COMMD10: variants seen among roughly 807,000 people sequenced by gnomAD.
The protein encoded by COMMD10 is COMM domain containing 10.
Under a neutral mutation model 28.9 loss-of-function variants are expected in COMMD10, and 33 were observed. The observed-to-expected ratio is 1.14, with a 90% CI of 0.87 to 1.53. The LOEUF (loss-of-function observed/expected upper bound fraction) is 1.53. COMMD10 is among the 40% of genes most tolerant of loss of function. The pLI, the probability that COMMD10 is intolerant of heterozygous loss-of-function variation, is 0.00. For missense variants in COMMD10, 310 were observed against 233.4 expected (o/e 1.33, Z -2.14); for synonymous variants, 110 against 81.7 (o/e 1.35, Z -1.87).
intron 5 of COMMD10, among the ~76,000 whole-genome samples, chr5:116,285,044 A>G (rs1041123590): frequency 1.3e-5 from 2 of 151,468 alleles, no homozygotes; most frequent in Admixed American, 1.3e-4. Flanking sequence ...TTCTGGTTTT[A>G]TAAGCAAACT....
chr5:116,283,266 TTA>T (rs1288866093), intron 5 of COMMD10, among the ~76,000 whole-genome samples: 1 of 151,906 alleles, frequency 6.6e-6, no homozygotes, highest in Non-Finnish European at 1.5e-5. Context: ...GACTTCATCT[TTA>T]TGTTTTAAAA....
chr5:116,199,286 G>A (rs755526151), intron 5 of COMMD10, among the ~76,000 whole-genome samples: 9 of 151,924 alleles, frequency 5.9e-5, no homozygotes, highest in Non-Finnish European at 1.2e-4. Context: ...TTAGGTTTTT[G>A]GCTCACTTTT....
At chr5:116,192,994 A>G (rs943561220) in intron 5 of COMMD10, among the ~76,000 whole-genome samples, 2 of 152,226 alleles carry the variant, frequency 1.3e-5, no homozygotes, top group African/African-American at 4.8e-5. Context: ...GCTAGAAGGG[A>G]TTAGCCTTAT....
intron 5 of COMMD10, among the ~76,000 whole-genome samples, chr5:116,138,194 C>T (rs1196203524): frequency 6.6e-6 from 1 of 151,676 alleles, no homozygotes; most frequent in Non-Finnish European, 1.5e-5. Context: ...ATGAAATCAT[C>T]ATGATTTGGC....
At chr5:116,238,261 A>T (rs1410649936) in intron 5 of COMMD10, among the ~76,000 whole-genome samples, 1 of 152,232 alleles carries the variant, frequency 6.6e-6, no homozygotes, top group Non-Finnish European at 1.5e-5. Flanking sequence ...TGTTCTTGGC[A>T]TTGGTGACAG....
chr5:116,196,209 G>T (rs1326567518), intron 5 of COMMD10, among the ~76,000 whole-genome samples: 3 of 152,098 alleles, frequency 2.0e-5, no homozygotes. Context: ...ATCAACCAAC[G>T]AGTGGAGACT....
intron 5 of COMMD10, among the ~76,000 whole-genome samples, chr5:116,211,696 A>AT (rs1748967826): frequency 6.6e-6 from 1 of 152,144 alleles, no homozygotes; most frequent in African/African-American, 2.4e-5. Flanking sequence ...TATATGGAGT[A>AT]TTTTAAATAA....
At chr5:116,206,612 A>T (rs960330023) in intron 5 of COMMD10, among the ~76,000 whole-genome samples, 1 of 152,184 alleles carries the variant, frequency 6.6e-6, no homozygotes, top group African/African-American at 2.4e-5. Flanking sequence ...AGATAGTGCC[A>T]TTGTACTCCA....
chr5:116,107,216 G>T (rs1464236816), intron 4 of COMMD10, among the ~76,000 whole-genome samples: 1 of 152,062 alleles, frequency 6.6e-6, no homozygotes, highest in Admixed American at 6.6e-5. Flanking sequence ...GAATTTGAAT[G>T]TTGGCCTGCC....
chr5:116,286,451 G>A (rs867861812), intron 5 of COMMD10, among the ~76,000 whole-genome samples: 7 of 148,052 alleles, frequency 4.7e-5, no homozygotes, highest in Admixed American at 6.7e-5. Flanking sequence ...TGTAAAGTTA[G>A]GTTGTTAAGT....
chr5:116,229,315 A>C (rs1167492202), intron 5 of COMMD10, among the ~76,000 whole-genome samples: 2 of 151,968 alleles, frequency 1.3e-5, no homozygotes, highest in Non-Finnish European at 2.9e-5. Flanking sequence ...ATATGTAATA[A>C]AACCACTTGA....
intron 4 of COMMD10, among the ~76,000 whole-genome samples, chr5:116,133,602 G>A (rs1751930417): frequency 6.6e-6 from 1 of 152,104 alleles, no homozygotes. Flanking sequence ...AAGAAAAAAA[G>A]CAAATCTTAC....
intron 5 of COMMD10, among the ~76,000 whole-genome samples, chr5:116,183,395 A>G (rs146942720): frequency 6.6e-6 from 1 of 152,288 alleles, no homozygotes; most frequent in African/African-American, 2.4e-5. Flanking sequence ...CTCATGCCCT[A>G]GAATTTCAGT....
At chr5:116,127,550 G>T (rs1302375558) in intron 4 of COMMD10, among the ~76,000 whole-genome samples, 6 of 152,128 alleles carry the variant, frequency 3.9e-5, no homozygotes, top group Non-Finnish European at 5.9e-5. Flanking sequence ...TGATAGACTG[G>T]ATTAAGAAAA....
At chr5:116,107,704 G>A (rs546187227) in intron 4 of COMMD10, among the ~76,000 whole-genome samples, 6 of 152,142 alleles carry the variant, frequency 3.9e-5, no homozygotes, top group South Asian at 2.1e-4. Context: ...CTCGTTCTCC[G>A]TCCAGTTTTG....
intron 5 of COMMD10, among the ~76,000 whole-genome samples, chr5:116,235,564 G>C (rs1024534531): frequency 2.6e-5 from 4 of 152,098 alleles, no homozygotes; most frequent in Non-Finnish European, 5.9e-5. Context: ...TACAATTTCA[G>C]AGTTCTTGAA....
At chr5:116,110,809 G>T (rs1009514419) in intron 4 of COMMD10, among the ~76,000 whole-genome samples, 2 of 151,908 alleles carry the variant, frequency 1.3e-5, no homozygotes, top group African/African-American at 4.8e-5. Context: ...GAGGAAGGGG[G>T]GAGGTGCTAC....
At chr5:116,251,278 ATTTATTTAT>A (rs1174987971) in intron 5 of COMMD10, among the ~76,000 whole-genome samples, 1 of 146,900 alleles carries the variant, frequency 6.8e-6, no homozygotes, top group Non-Finnish European at 1.5e-5. Context: ...TTATTTATTT[ATTTATTTAT>A]TTATTTATTT....
intron 5 of COMMD10, among the ~76,000 whole-genome samples, chr5:116,148,075 G>A (rs1341383226): frequency 1.3e-5 from 2 of 151,540 alleles, no homozygotes; most frequent in South Asian, 2.1e-4. Flanking sequence ...TAGTCCTTCA[G>A]CAGTACATTT....
Sources: gnomAD v4.1 joint callset for allele counts (sites outside exome capture counted in the v4.1 genomes callset) on GRCh38, gnomAD v4.1.1 for gene constraint, MANE v1.5 for transcripts, NCBI Gene and HGNC (gene_info 2026-07-23, HGNC 2026-07-21) for gene names.